The following TENM2 variants were observed in gnomAD, a reference collection of about 807,000 sequenced individuals.
The protein encoded by TENM2 is teneurin-2.
TENM2 carries 52 observed loss-of-function variants against 245.2 expected under a neutral mutation model. The observed-to-expected ratio is 0.21, with a 90% CI of 0.17 to 0.27. The LOEUF (loss-of-function observed/expected upper bound fraction) is 0.27. Among genes scored for constraint, TENM2 ranks in the 10% least tolerant of loss-of-function variants. The pLI is 1.00. For missense variants in TENM2, 3,046 were observed against 3,666.8 expected (o/e 0.83, Z 4.37); for synonymous variants, 1,363 against 1,438.9 (o/e 0.95, Z 1.19).
chr5:167,179,629 C>G, the TENM2 span, among the ~76,000 whole-genome samples: 1 of 152,060 alleles, frequency 6.6e-6, no homozygotes, highest in African/African-American at 2.4e-5. Flanking sequence ...ATACTTACAA[C>G]TTTTAGTTTG....
rs1051728732 is a variant in TENM2 at position 167,720,585 on chromosome 5, G to A, written c.503-155401G>A. 7.9e-5 allele frequency among the ~76,000 whole-genome samples: 12 copies of A among 152,322 alleles called. No individual in the cohort carries two copies. In the East Asian group the frequency reaches 1.2e-3, roughly 15 times the overall value. On this transcript the variant is annotated intron_variant, in intron 2 of 28. Transcript: ENST00000518659. ...TTGTAAGTGAGTAGTTATAGCAGATGCTCACATCAGATTGCTGTGTTTGTA... is the reference window on the plus strand; with the variant it reads ...TTGTAAGTGAGTAGTTATAGCAGATACTCACATCAGATTGCTGTGTTTGTA...
At chr5:168,112,616 G>GGGGGT (rs1794768572) in intron 9 of TENM2, among the ~76,000 whole-genome samples, 2 of 102,260 alleles carry the variant, frequency 2.0e-5, no homozygotes, top group African/African-American at 3.8e-5. Context: ...CGGGGGGGGG[G>GGGGGT]TCAAACTTTA....
At chr5:167,078,738 A>G in the TENM2 span, among the ~76,000 whole-genome samples, 1 of 152,176 alleles carries the variant, frequency 6.6e-6, no homozygotes, top group South Asian at 2.1e-4. Context: ...CAACAGATCA[A>G]TATATAACCT....
At chr5:167,842,966 C>T (rs114186338) in intron 2 of TENM2, among the ~76,000 whole-genome samples, 20 of 152,230 alleles carry the variant, frequency 1.3e-4, no homozygotes, top group Admixed American at 3.3e-4. Context: ...TTTTAGGACA[C>T]GATGAAATGC....
chr5:167,096,523 C>T, the TENM2 span, among the ~76,000 whole-genome samples: 1 of 152,166 alleles, frequency 6.6e-6, no homozygotes, highest in African/African-American at 2.4e-5. Flanking sequence ...TTCCAAGTCA[C>T]TTCCTTCTGA....
chr5:167,326,943 T>G (rs1202519328), intron 1 of TENM2, among the ~76,000 whole-genome samples: 2 of 151,996 alleles, frequency 1.3e-5, no homozygotes, highest in African/African-American at 4.8e-5. Context: ...TGATATACAA[T>G]TTTAATGAAA....
At chr5:167,199,115 A>G in the TENM2 span, among the ~76,000 whole-genome samples, 2 of 151,342 alleles carry the variant, frequency 1.3e-5, no homozygotes, top group Non-Finnish European at 2.9e-5. Flanking sequence ...AAAAAAAAAA[A>G]AAAAAGAAAT....
chr5:166,997,229 G>T, the TENM2 span, among the ~76,000 whole-genome samples: 7 of 152,270 alleles, frequency 4.6e-5, 1 homozygote, highest in South Asian at 2.1e-4. Context: ...TCAATATGAG[G>T]TGTTACATCA....
chr5:167,904,719 C>T (rs548768253), intron 3 of TENM2, among the ~76,000 whole-genome samples: 2 of 152,100 alleles, frequency 1.3e-5, no homozygotes, highest in Non-Finnish European at 1.5e-5. Flanking sequence ...AAAGAAAGCC[C>T]AATGTATAAA....
intron 2 of TENM2, among the ~76,000 whole-genome samples, chr5:167,794,339 A>G (rs1583026686): frequency 6.6e-6 from 1 of 152,236 alleles, no homozygotes; most frequent in Admixed American, 6.5e-5. Context: ...CCTGAAAGGG[A>G]AATAAATTGT....
rs372676389 is a variant in TENM2, at chr5:167,389,250, AT to A, written c.502+13778del. 3.5e-4 allele frequency among the ~76,000 whole-genome samples: 16 copies of A among 46,180 alleles called. No homozygotes were observed. In the African/African-American group the frequency reaches 4.8e-3, roughly 14 times the overall value. The allele number at this position is 46,180 out of a possible 152,430, so 30.3% of individuals were successfully genotyped here. The stretch of plus-strand genomic sequence containing the variant: ...TGCGTATATATATAGTGCATTTAAA[AT>A]ATATATATATATATATATATCCATG... On this transcript the variant is annotated intron_variant, in intron 2 of 28. Coordinates refer to ENST00000518659, the Ensembl canonical transcript of TENM2.
intron 2 of TENM2, among the ~76,000 whole-genome samples, chr5:167,689,531 A>T (rs546484174): frequency 2.4e-4 from 37 of 152,360 alleles, no homozygotes; most frequent in African/African-American, 7.2e-4. Context: ...ACACAAAAAA[A>T]TGAAATGATC....
chr5:167,344,751 G>A (rs1758356116), intron 1 of TENM2, among the ~76,000 whole-genome samples: 1 of 152,072 alleles, frequency 6.6e-6, no homozygotes, highest in South Asian at 2.1e-4. Context: ...GGAAGCTAGG[G>A]CACACCAGAG....
chr5:166,980,554 T>C, the TENM2 span, among the ~76,000 whole-genome samples: 2 of 152,224 alleles, frequency 1.3e-5, no homozygotes, highest in African/African-American at 2.4e-5. Context: ...TTCTTGATCA[T>C]TACCATGTTT....
chr5:167,901,832 CT>C (rs573997489), intron 3 of TENM2, among the ~76,000 whole-genome samples: 304 of 152,236 alleles, frequency 2.0e-3, no homozygotes, highest in Non-Finnish European at 3.4e-3. Flanking sequence ...AATAGATCCT[CT>C]TTATATAAGA....
Position 167,641,577 on chromosome 5 carries a change from C to T in TENM2, c.503-234409C>T, listed in dbSNP as rs548661339. Among the ~76,000 whole-genome samples, 81 of 152,220 alleles carry T rather than the reference C, an allele frequency of 5.3e-4. 1 individual carries two copies. The highest frequency in any genetic ancestry group is 1.7e-3 in the African/African-American group (70 of 41,532). Reference sequence around the variant, plus strand: ...GGAATTGACAAGGGAACAGAATGTACGGCTGTAATGGCTTACTAAATCTTA... The same window carrying T: ...GGAATTGACAAGGGAACAGAATGTATGGCTGTAATGGCTTACTAAATCTTA... On this transcript the variant is annotated intron_variant, in intron 2 of 28. Transcript: ENST00000518659.
intron 5 of TENM2, among the ~76,000 whole-genome samples, chr5:168,035,810 G>A (rs568748491): frequency 3.3e-5 from 5 of 152,192 alleles, no homozygotes; most frequent in South Asian, 2.1e-4. Flanking sequence ...ATTAAAACCC[G>A]GCAACCCTAG....
At chr5:168,097,486 G>A (rs758675786) in intron 8 of TENM2, among the ~76,000 whole-genome samples, 3 of 152,046 alleles carry the variant, frequency 2.0e-5, no homozygotes, top group Non-Finnish European at 4.4e-5. Context: ...GTGCAATGGC[G>A]CAATCTCAGC....
the TENM2 span, among the ~76,000 whole-genome samples, chr5:167,196,558 A>ATGTG: frequency 6.8e-6 from 1 of 147,782 alleles, no homozygotes; most frequent in African/African-American, 2.6e-5. Context: ...GTATATATAT[A>ATGTG]TGTGTGTGTA....
Sources: allele counts gnomAD v4.1 joint callset (sites outside exome capture counted in the v4.1 genomes callset), GRCh38; gene constraint gnomAD v4.1.1; transcripts MANE v1.5; gene names NCBI Gene and HGNC (gene_info 2026-07-23, HGNC 2026-07-21).